Variants in STK39 observed in about 807,000 individuals in gnomAD.
STK39 encodes the protein STE20/SPS1-related proline-alanine-rich protein kinase.
Under a neutral mutation model 77.8 loss-of-function variants are expected in STK39, and 20 were observed. The observed-to-expected ratio is 0.26, with a 90% CI of 0.18 to 0.37. The LOEUF (loss-of-function observed/expected upper bound fraction) is 0.37. STK39 is among the 10% of genes least tolerant of loss of function. The probability of loss-of-function intolerance (pLI) is 1.00; values close to 1 mark genes in which losing one functional copy is unlikely to be tolerated. For missense variants in STK39, 479 were observed against 656.5 expected (o/e 0.73, Z 2.95); for synonymous variants, 246 against 234.1 (o/e 1.05, Z -0.47).
chr2:168,030,176 C>T (rs889495920), intron 14 of STK39, among the ~76,000 whole-genome samples: 7 of 152,112 alleles, frequency 4.6e-5, no homozygotes, highest in Non-Finnish European at 1.0e-4. Context: ...GGAGGCGGAG[C>T]TTTCAGTGAG....
chr2:168,044,176 G>C (rs1685179209), intron 14 of STK39, among the ~76,000 whole-genome samples: 1 of 152,158 alleles, frequency 6.6e-6, no homozygotes, highest in African/African-American at 2.4e-5. Context: ...AGAGAAAGGG[G>C]AAGATCCTTG....
intron 1 of STK39, among the ~76,000 whole-genome samples, chr2:168,237,120 T>C (rs976602995): frequency 7.2e-5 from 11 of 152,212 alleles, no homozygotes; most frequent in African/African-American, 2.4e-4. Flanking sequence ...CTTTTATTCA[T>C]TGAGCAGTGG....
At chr2:168,195,642 A>C (rs1337292429) in intron 1 of STK39, among the ~76,000 whole-genome samples, 2 of 152,242 alleles carry the variant, frequency 1.3e-5, no homozygotes, top group East Asian at 3.8e-4. Context: ...AATTAGCTGC[A>C]CTTTGTTACA....
intron 1 of STK39, among the ~76,000 whole-genome samples, chr2:168,198,187 C>T (rs1436143548): frequency 1.3e-5 from 2 of 152,178 alleles, no homozygotes; most frequent in African/African-American, 2.4e-5. Context: ...AATGTACTCA[C>T]ATTTATAGCC....
At chr2:168,124,922 A>G (rs2105497411) in intron 10 of STK39, among the ~76,000 whole-genome samples, 1 of 152,088 alleles carries the variant, frequency 6.6e-6, no homozygotes, top group Non-Finnish European at 1.5e-5. Flanking sequence ...GAGTTGAACA[A>G]TGAGAACACA....
intron 10 of STK39, among the ~76,000 whole-genome samples, chr2:168,104,034 C>G (rs1205907701): frequency 6.6e-6 from 1 of 152,056 alleles, no homozygotes; most frequent in Non-Finnish European, 1.5e-5. Context: ...CCACACCAGC[C>G]GACATGGGGA....
chr2:167,993,095 C>G (rs1160373187), intron 16 of STK39, among the ~76,000 whole-genome samples: 1 of 152,194 alleles, frequency 6.6e-6, no homozygotes, highest in Non-Finnish European at 1.5e-5. Context: ...ATAAAAGCAA[C>G]GTAATAAGTT....
At chr2:168,215,261 C>T (rs1689997646) in intron 1 of STK39, among the ~76,000 whole-genome samples, 1 of 152,146 alleles carries the variant, frequency 6.6e-6, no homozygotes, top group Non-Finnish European at 1.5e-5. Flanking sequence ...ATACTCTCCC[C>T]CCATTTCCAC....
At chr2:168,002,410 CA>C (rs1003679122) in intron 16 of STK39, among the ~76,000 whole-genome samples, 1 of 152,150 alleles carries the variant, frequency 6.6e-6, no homozygotes, top group African/African-American at 2.4e-5. Flanking sequence ...TCCCCATCCC[CA>C]AATCGGAAGT....
chr2:168,032,712 G>A (rs61582668), intron 14 of STK39, among the ~76,000 whole-genome samples: 1 of 152,116 alleles, frequency 6.6e-6, no homozygotes, highest in African/African-American at 2.4e-5. Context: ...CAGAAAGGAG[G>A]TACAAAAAAA....
chr2:168,180,935 GAAAAGTACAGCTT>G (rs1244854080), intron 2 of STK39, among the ~76,000 whole-genome samples: 4 of 152,144 alleles, frequency 2.6e-5, no homozygotes, highest in African/African-American at 9.7e-5. Flanking sequence ...AACAGATCTG[GAAAAGTACAGCTT>G]TATCCTTGTA....
intron 1 of STK39, among the ~76,000 whole-genome samples, chr2:168,192,819 A>G (rs888359398): frequency 6.6e-6 from 1 of 152,212 alleles, no homozygotes; most frequent in Non-Finnish European, 1.5e-5. Context: ...ACCTGGATAG[A>G]AACTAGAACC....
intron 1 of STK39, among the ~76,000 whole-genome samples, chr2:168,236,480 C>G (rs1574582717): frequency 1.3e-5 from 2 of 152,270 alleles, no homozygotes; most frequent in Middle Eastern, 6.8e-3. Context: ...TCAATTTTGG[C>G]TTTTGTTGCC....
chr2:168,210,429 G>A (rs1689861407), intron 1 of STK39, among the ~76,000 whole-genome samples: 1 of 152,116 alleles, frequency 6.6e-6, no homozygotes, highest in Admixed American at 6.5e-5. Flanking sequence ...ACTTAGAGAT[G>A]TTGCAAACTT....
At chr2:167,982,455 C>A (rs16854440) in intron 16 of STK39, among the ~76,000 whole-genome samples, 5,577 of 152,230 alleles carry the variant, frequency 0.037, 361 homozygotes, top group African/African-American at 0.13. Context: ...AGAGGCAGCA[C>A]TTACTTTTGA....
chr2:168,113,414 C>A (rs1687171492), intron 10 of STK39, among the ~76,000 whole-genome samples: 1 of 152,114 alleles, frequency 6.6e-6, no homozygotes, highest in Admixed American at 6.5e-5. Context: ...AGCGAAGACA[C>A]ATGGAATATT....
chr2:168,155,205 C>T (rs1296646079), intron 5 of STK39, among the ~76,000 whole-genome samples: 1 of 152,142 alleles, frequency 6.6e-6, no homozygotes, highest in African/African-American at 2.4e-5. Context: ...ACCGGGTTCA[C>T]CCAGTAACAT....
chr2:168,244,902 C>T (rs1379712585), intron 1 of STK39, among the ~76,000 whole-genome samples: 1 of 152,164 alleles, frequency 6.6e-6, no homozygotes, highest in African/African-American at 2.4e-5. Flanking sequence ...ACTGACCAAC[C>T]ATAATTAACA....
At chr2:168,180,483 T>G (rs1689058378) in intron 2 of STK39, among the ~76,000 whole-genome samples, 1 of 152,182 alleles carries the variant, frequency 6.6e-6, no homozygotes, top group African/African-American at 2.4e-5. Context: ...AGCCACAGAA[T>G]TTCAGGATTC....
Sources: gnomAD v4.1 joint callset for allele counts (sites outside exome capture counted in the v4.1 genomes callset) on GRCh38, gnomAD v4.1.1 for gene constraint, MANE v1.5 for transcripts, NCBI Gene and HGNC (gene_info 2026-07-23, HGNC 2026-07-21) for gene names.